Variants in DMRT1 observed in about 807,000 individuals in gnomAD.
The protein encoded by DMRT1 is doublesex- and mab-3-related transcription factor 1.
Under a neutral mutation model 32.3 loss-of-function variants are expected in DMRT1, and 7 were observed. The observed-to-expected ratio is 0.22, with a 90% CI of 0.12 to 0.41. DMRT1 has a LOEUF of 0.41. DMRT1 is among the 10% of genes least tolerant of loss of function. DMRT1 has a pLI of 1.00. For synonymous variants in DMRT1, 278 were observed against 206.1 expected (o/e 1.35, Z -2.99); for missense variants, 625 against 500.5 (o/e 1.25, Z -2.37).
intron 3 of DMRT1, 151 bp downstream of exon 3, chr9:894,346 G>A (rs966241985): frequency 1.2e-6 from 1 of 838,532 alleles, no homozygotes; most frequent in South Asian, 1.4e-5. Flanking sequence ...ATATGTGTGT[G>A]TGCCATTTTG....
chr9:853,121 T>A lies in DMRT1; in HGVS notation c.538+5978T>A, dbSNP rs956853837. On this transcript the variant is annotated intron_variant, in intron 2 of 4. Transcript: ENST00000382276. ...AGCAGTTTTAGGTTCACAGCAAAAT[T>A]GAGAGGAAGGTACGGAGATTTTTTT... is the stretch of plus-strand genomic sequence containing the variant. Among the ~76,000 whole-genome samples, 8 of 152,226 alleles carry A rather than the reference T, an allele frequency of 5.3e-5. No homozygotes were observed. In the East Asian group the frequency reaches 1.5e-3, roughly 29 times the overall value.
chr9:881,901 C>T (rs1589495619), intron 2 of DMRT1, among the ~76,000 whole-genome samples: 2 of 152,192 alleles, frequency 1.3e-5, no homozygotes, highest in East Asian at 3.8e-4. Flanking sequence ...CCCAAACTGT[C>T]TCTGGTATCT....
chr9:917,597 T>C (rs753304139), intron 4 of DMRT1, among the ~76,000 whole-genome samples: 13 of 152,182 alleles, frequency 8.5e-5, no homozygotes, highest in Non-Finnish European at 1.5e-4. Context: ...GTGAGAAACA[T>C]ACACAATAGG....
At chr9:872,288 C>G (rs1226061024) in intron 2 of DMRT1, among the ~76,000 whole-genome samples, 1 of 152,064 alleles carries the variant, frequency 6.6e-6, no homozygotes, top group African/African-American at 2.4e-5. Flanking sequence ...GTCTCGAACT[C>G]CTGACCTTGT....
At chr9:920,979 T>G (rs1160893270) in intron 4 of DMRT1, among the ~76,000 whole-genome samples, 1 of 152,190 alleles carries the variant, frequency 6.6e-6, no homozygotes, top group Non-Finnish European at 1.5e-5. Flanking sequence ...GGGCTTGTAT[T>G]TTTTGTCTTT....
At chr9:871,302 C>G (rs1171296213) in intron 2 of DMRT1, among the ~76,000 whole-genome samples, 1 of 151,068 alleles carries the variant, frequency 6.6e-6, no homozygotes. Context: ...GCTGGGATTA[C>G]AGGCATGAAC....
At chr9:928,547 A>G (rs1479156984) in intron 4 of DMRT1, among the ~76,000 whole-genome samples, 1 of 152,194 alleles carries the variant, frequency 6.6e-6, no homozygotes, top group Non-Finnish European at 1.5e-5. Context: ...CGAAAGAAAC[A>G]ATCACAGGTG....
intron 3 of DMRT1, among the ~76,000 whole-genome samples, chr9:900,891 GTGTGGTGC>G (rs1314416960): frequency 1.3e-5 from 2 of 151,930 alleles, no homozygotes. Flanking sequence ...GGGGGTCTCA[GTGTGGTGC>G]CGAGGCTGGT....
intron 2 of DMRT1, among the ~76,000 whole-genome samples, chr9:855,334 G>A (rs1453566480): frequency 2.0e-5 from 3 of 152,142 alleles, no homozygotes; most frequent in Non-Finnish European, 4.4e-5. Context: ...TTTTATAACA[G>A]CATATTAAAA....
At chr9:880,871 T>C (rs568966703) in intron 2 of DMRT1, among the ~76,000 whole-genome samples, 1 of 152,286 alleles carries the variant, frequency 6.6e-6, no homozygotes, top group South Asian at 2.1e-4. Flanking sequence ...TACATCTTTA[T>C]GTTATTGCAA....
chr9:878,151 C>A (rs1214568304), intron 2 of DMRT1, among the ~76,000 whole-genome samples: 1 of 150,716 alleles, frequency 6.6e-6, no homozygotes, highest in Non-Finnish European at 1.5e-5. Context: ...TTGAATAGCA[C>A]ATTAACTTTA....
rs149513971 is a variant in DMRT1 at position 889,785 on chromosome 9, A to G, written c.539-4127A>G. Among the ~76,000 whole-genome samples, 33 of 152,308 alleles carry G rather than the reference A, an allele frequency of 2.2e-4. No individual in the cohort carries two copies. The East Asian group carries it at 6.4e-3, about 29-fold the overall frequency. ...CTACTGTATTTTGTTTTCTTTTTTAAGAAGCTTGCTTTTGAAAGGCAGGCC... is the reference window on the plus strand; with the variant it reads ...CTACTGTATTTTGTTTTCTTTTTTAGGAAGCTTGCTTTTGAAAGGCAGGCC... On this transcript the variant is annotated intron_variant, in intron 2 of 4. Coordinates refer to ENST00000382276, the MANE Select transcript of DMRT1 (RefSeq NM_021951.3).
chr9:844,502 T>G (rs1175885888), intron 1 of DMRT1, among the ~76,000 whole-genome samples: 2 of 142,488 alleles, frequency 1.4e-5, no homozygotes, highest in East Asian at 3.8e-4. Flanking sequence ...TTCATTGATG[T>G]TCTCTTTCTA....
chr9:931,546 T>C (rs115767814), intron 4 of DMRT1, among the ~76,000 whole-genome samples: 1 of 152,222 alleles, frequency 6.6e-6, no homozygotes, highest in South Asian at 2.1e-4. Flanking sequence ...TATTTTCTTA[T>C]AGTCTGGAGG....
intron 3 of DMRT1, among the ~76,000 whole-genome samples, chr9:907,029 A>G (rs940818896): frequency 2.0e-5 from 3 of 152,162 alleles, no homozygotes; most frequent in African/African-American, 2.4e-5. Context: ...TTCCTCTGAA[A>G]TTTGGTTAAT....
At chr9:874,520 T>C (rs996954875) in intron 2 of DMRT1, among the ~76,000 whole-genome samples, 1 of 152,202 alleles carries the variant, frequency 6.6e-6, no homozygotes, top group African/African-American at 2.4e-5. Context: ...AATACATGTC[T>C]GTGCATGCTA....
At chr9:967,246 TGCTAA>T (rs1819958916) in intron 4 of DMRT1, among the ~76,000 whole-genome samples, 2 of 152,252 alleles carry the variant, frequency 1.3e-5, no homozygotes, top group African/African-American at 4.8e-5. Context: ...CTACTGTGGC[TGCTAA>T]GGTTGCAAAA....
intron 4 of DMRT1, 75 bp downstream of exon 4, chr9:916,982 T>C: frequency 6.7e-7 from 1 of 1,482,162 alleles, no homozygotes; most frequent in East Asian, 2.3e-5. Flanking sequence ...ATTAGCTGTG[T>C]CTAATGGCTT....
intron 4 of DMRT1, among the ~76,000 whole-genome samples, chr9:944,507 C>T (rs184774163): frequency 6.6e-6 from 1 of 152,248 alleles, no homozygotes; most frequent in African/African-American, 2.4e-5. Context: ...TAAAATAAAA[C>T]TGATTTTGTG....
Sources: gnomAD v4.1 joint callset for allele counts (sites outside exome capture counted in the v4.1 genomes callset) on GRCh38, gnomAD v4.1.1 for gene constraint, MANE v1.5 for transcripts, NCBI Gene and HGNC (gene_info 2026-07-23, HGNC 2026-07-21) for gene names.